The following ARAP3 variants were observed in gnomAD, a reference collection of about 807,000 sequenced individuals.
The protein encoded by ARAP3 is arf-GAP with Rho-GAP domain, ANK repeat and PH domain-containing protein 3.
A neutral mutation model predicts 169.2 loss-of-function variants in ARAP3; 82 were observed. That is an observed-to-expected ratio of 0.48 (90% CI 0.41 to 0.58). The LOEUF is 0.58. Ranked by LOEUF, ARAP3 falls within the 20% of genes least tolerant of loss-of-function variation. ARAP3 has a pLI of 0.00. For missense variants in ARAP3, 1,764 were observed against 2,018.0 expected (o/e 0.87, Z 2.41); for synonymous variants, 791 against 800.3 (o/e 0.99, Z 0.20).
chr5:141,677,767 TTTTG>T (rs1562426535), intron 4 of ARAP3, among the ~76,000 whole-genome samples: 2 of 143,454 alleles, frequency 1.4e-5, no homozygotes, highest in Non-Finnish European at 3.2e-5. Flanking sequence ...TTGTTTTGTT[TTTTG>T]TTTTTGTTTT....
rs750079461 is a variant in ARAP3, at chr5:141,661,709, C to A, written c.3094G>T (p.Ala1032Ser). ...CLPRVNRRTL[A>S]TLIGHLYRVQ... ...CGATAGAGATGCCCAATGAGGGTGG[C>A]CAGTGTGCGGCGGTTGACCCGCGGC... Residue 1032 changes from alanine to serine, a missense_variant, in exon 21 of 33, where the codon GCC (alanine) becomes TCC (serine). Coordinates refer to ENST00000239440, the MANE Select transcript of ARAP3 (RefSeq NM_022481.6). 2.5e-6 allele frequency: 4 copies of A among 1,614,214 alleles called. No individual in the cohort carries two copies. The East Asian group carries it at 8.9e-5, about 36-fold the overall frequency.
At chr5:141,669,441 T>A (rs758986107) in intron 16 of ARAP3, among the ~76,000 whole-genome samples, 2 of 152,190 alleles carry the variant, frequency 1.3e-5, no homozygotes, top group Admixed American at 6.5e-5. Flanking sequence ...CTCTGCTGCC[T>A]CCTAGCTCTG....
chr5:141,672,046 G>A lies in ARAP3; in HGVS notation c.1585+56C>T, dbSNP rs1267738057. 1.9e-6 allele frequency: 3 copies of A among 1,614,008 alleles called. No individual in the cohort carries two copies. Among genetic ancestry groups the A allele is most frequent in the African/African-American group, 1.3e-5 (1 of 75,044 alleles). ...GAGGGGCATGTGGCACGGGTACCCT[G>A]AGCCCTCTAGTCCCAGCCCTCCTGT... On this transcript the variant is annotated intron_variant, in intron 10 of 32. Coordinates refer to ENST00000239440, the MANE Select transcript of ARAP3 (RefSeq NM_022481.6). This position sits in a 1 kb window ranked among gnomAD's most constrained non-coding sequence, Gnocchi z 4.9.
chr5:141,654,060 G>A lies in ARAP3; in HGVS notation c.4525C>T (p.Pro1509Ser). 1 of 1,603,956 alleles carries A rather than the reference G, an allele frequency of 6.2e-7. No individual in the cohort carries two copies. Among genetic ancestry groups the A allele is most frequent in the Non-Finnish European group, 8.5e-7 (1 of 1,174,586 alleles). Residue 1509 changes from proline to serine, a missense_variant, in exon 33 of 33, where the codon CCA becomes TCA. Around this residue, in one of 3 missense-constraint regions of ARAP3, gnomAD observed 1,112 missense variants for 1,285.7 expected, o/e 0.86. Transcript: ENST00000239440. ...TTAGLGSPSQ[P>S]SSPQSPSPTG... ...GGGCTGGGGGATTGGGGGCTGGATG[G>A]CTGGGAAGGACTTCCCAGGCCTGCA...
intron 4 of ARAP3, among the ~76,000 whole-genome samples, chr5:141,677,674 C>CA (rs1468449677): frequency 2.0e-5 from 3 of 152,196 alleles, no homozygotes; most frequent in Non-Finnish European, 4.4e-5. Context: ...TTTATAAAGT[C>CA]AAAACCCCTC....
At chr5:141,674,125 G>A (rs961934091) in intron 4 of ARAP3, among the ~76,000 whole-genome samples, 8 of 151,984 alleles carry the variant, frequency 5.3e-5, no homozygotes, top group African/African-American at 1.9e-4. Flanking sequence ...TACCACGCCT[G>A]GCTAATTTTG....
At chr5:141,673,208 G>A in intron 6 of ARAP3, 75 bp from the exon 7 acceptor site, 1 of 1,600,870 alleles carries the variant, frequency 6.2e-7, no homozygotes, top group Non-Finnish European at 8.5e-7. Context: ...TCCTGCCCCA[G>A]ATTTTATAAG....
Position 141,656,387 on chromosome 5 carries a change from G to A in ARAP3, c.3790-111C>T, listed in dbSNP as rs553896685. The A allele has an allele frequency of 3.8e-6, 6 of 1,593,896 alleles. No homozygotes were observed. The Admixed American group carries it at 8.8e-5, about 23-fold the overall frequency. Reference sequence around the variant, plus strand: ...GTGGTCACAGGGTCACAGAAGTCGGGGGCAGGGAAGCAATGAGATTGATGA... The same window carrying A: ...GTGGTCACAGGGTCACAGAAGTCGGAGGCAGGGAAGCAATGAGATTGATGA... On this transcript the variant is annotated intron_variant, in intron 27 of 32. Transcript: ENST00000239440.
chr5:141,666,594 C>G lies in ARAP3; in HGVS notation c.2402G>C (p.Arg801Pro). 1 of 1,508,740 alleles carries G rather than the reference C, an allele frequency of 6.6e-7. No homozygotes were observed. Among genetic ancestry groups the G allele is most frequent in the Non-Finnish European group, 8.9e-7 (1 of 1,126,110 alleles). The allele number at this position is 1,508,740 out of a possible 1,614,324, so 93.5% of individuals were successfully genotyped here. A position where few individuals can be genotyped will look rare whatever the true frequency, so the allele number is the denominator to read the frequency against. ...CHQLLGPGLL[R>P]LGRLWLRSPS... ...GGACCGCAGCCATAGGCGGCCCAGC[C>G]GCAGCAGCCCGGGGCCCAGCAGCTG... Residue 801 changes from arginine to proline, a missense_variant, in exon 17 of 33, where the codon CGG becomes CCG. Transcript: ENST00000239440.
rs922201210 is a variant in ARAP3 at position 141,672,844 on chromosome 5, G to T, written c.1175C>A (p.Pro392Gln). 5.6e-6 allele frequency: 9 copies of T among 1,610,934 alleles called. No homozygotes were observed. In the African/African-American group the frequency reaches 1.2e-4, roughly 22 times the overall value. ...RLLGHPRPPQ[P>Q]PRPLRTGMLE... Reference sequence around the variant, plus strand: ...CATGCCCGTGCGGAGGGGTCGGGGTGGTTGGGGGGGCCGGGGGTGGCCCAG... The same window carrying T: ...CATGCCCGTGCGGAGGGGTCGGGGTTGTTGGGGGGGCCGGGGGTGGCCCAG... Residue 392 changes from proline (P) to glutamine (Q), a missense_variant, in exon 8 of 33, where the codon CCA (proline) becomes CAA (glutamine). By Grantham distance (76) the Pro-to-Gln change is moderately conservative. Coordinates refer to ENST00000239440, the MANE Select transcript of ARAP3 (RefSeq NM_022481.6). The surrounding 1 kb of genome is among the most constrained non-coding windows in gnomAD (Gnocchi z 4.9).
At chr5:141,666,993 C>T (rs1183050523) in intron 16 of ARAP3, among the ~76,000 whole-genome samples, 5 of 152,094 alleles carry the variant, frequency 3.3e-5, no homozygotes, top group Non-Finnish European at 5.9e-5. Context: ...ACTGCAGCCT[C>T]GACCTCCCCC....
intron 17 of ARAP3, among the ~76,000 whole-genome samples, 193 bp from the exon 18 acceptor site, chr5:141,665,567 GC>G (rs1562412048): frequency 6.6e-6 from 1 of 152,046 alleles, no homozygotes; most frequent in Non-Finnish European, 1.5e-5. Context: ...TAAGTAACTT[GC>G]CCCAGATTAC....
At position 141,672,857 on chromosome 5, in the gene ARAP3, G is replaced by A. The variant is rs775267798; in HGVS notation, c.1162C>T (p.Arg388Trp). ...LKEQRLLGHP[R>W]PPQPPRPLRT... The stretch of plus-strand genomic sequence containing the variant: ...AGGGGTCGGGGTGGTTGGGGGGGCC[G>A]GGGGTGGCCCAGGAGGCGCTGCTCC... Residue 388 changes from arginine (R) to tryptophan (W), a missense_variant, in exon 8 of 33, where the codon CGG becomes TGG. By Grantham distance (101) the Arg-to-Trp change is moderately radical. Coordinates refer to ENST00000239440, the MANE Select transcript of ARAP3 (RefSeq NM_022481.6). This position sits in a 1 kb window ranked among gnomAD's most constrained non-coding sequence, Gnocchi z 4.9. The A allele has an allele frequency of 1.2e-5, 19 of 1,603,700 alleles. No homozygotes were observed. Among genetic ancestry groups the A allele is most frequent in the Admixed American group, 1.7e-5 (1 of 58,982 alleles).
chr5:141,675,111 G>C (rs746178164), intron 4 of ARAP3, among the ~76,000 whole-genome samples: 1 of 152,010 alleles, frequency 6.6e-6, no homozygotes, highest in African/African-American at 2.4e-5. Context: ...CCATGTTTCA[G>C]AGCCTTTGCA....
Position 141,669,918 on chromosome 5 carries a change from T to C in ARAP3, c.2249+4A>G. The C allele has an allele frequency of 6.2e-7, 1 of 1,604,354 alleles. No homozygotes were observed. The highest frequency in any genetic ancestry group is 8.5e-7 in the Non-Finnish European group (1 of 1,174,184). ...AAGCTCAGTGGTCACAGAAGGGCTA[T>C]TACCTGTCACCTGGGTCAGTGGGTG... is the stretch of plus-strand genomic sequence containing the variant. On this transcript the variant is annotated splice_donor_region_variant and intron_variant, in intron 15 of 32. Coordinates refer to ENST00000239440, the MANE Select transcript of ARAP3 (RefSeq NM_022481.6).
At chr5:141,679,225 G>T (rs2099912637) in intron 4 of ARAP3, among the ~76,000 whole-genome samples, 1 of 152,146 alleles carries the variant, frequency 6.6e-6, no homozygotes, top group African/African-American at 2.4e-5. Context: ...GGAGGGGGAG[G>T]TTGCAGTGAG....
intron 1 of ARAP3, among the ~76,000 whole-genome samples, chr5:141,681,568 C>G (rs939074029): frequency 6.6e-6 from 1 of 152,126 alleles, no homozygotes; most frequent in Non-Finnish European, 1.5e-5. Context: ...CATTCCATCT[C>G]AACCTCTCAA....
At chr5:141,661,913 C>T in intron 20 of ARAP3, 124 bp from the exon 21 acceptor site, 1 of 1,497,074 alleles carries the variant, frequency 6.7e-7, no homozygotes, top group Non-Finnish European at 9.2e-7. Flanking sequence ...CCCACCTCCC[C>T]CTGAGCCAAG....
At position 141,673,212 on chromosome 5, in the gene ARAP3, T is replaced by C. The variant is rs1198999319; in HGVS notation, c.973-79A>G. ...CAGCCCCTGGGTCCTGCCCCAGATT[T>C]TATAAGATTGGCATTAAATCCACAA... On this transcript the variant is annotated intron_variant, in intron 6 of 32. Transcript: ENST00000239440. The C allele has an allele frequency of 1.9e-6, 3 of 1,600,980 alleles. No individual in the cohort carries two copies. In the Admixed American group the frequency reaches 5.1e-5, roughly 27 times the overall value.
Sources: allele counts gnomAD v4.1 joint callset (sites outside exome capture counted in the v4.1 genomes callset), GRCh38; gene constraint gnomAD v4.1.1; regional missense constraint gnomAD v4.1.1; non-coding constraint Gnocchi (gnomAD v3.1); transcripts MANE v1.5; gene names NCBI Gene and HGNC (gene_info 2026-07-23, HGNC 2026-07-21).